The following RARB variants were observed in gnomAD, a reference collection of about 807,000 sequenced individuals.
RARB encodes retinoic acid receptor beta, also known as HBV-activated protein.
A neutral mutation model predicts 51.9 loss-of-function variants in RARB; 17 were observed. That is an observed-to-expected ratio of 0.33 (90% CI 0.22 to 0.49). The LOEUF is 0.49. Ranked by LOEUF, RARB falls within the 20% of genes least tolerant of loss-of-function variation. The pLI is 0.99. For missense variants in RARB, 369 were observed against 550.8 expected, an observed-to-expected ratio of 0.67 and a Z score of 3.30; for synonymous variants, 215 against 195.4, an observed-to-expected ratio of 1.10 and a Z score of -0.84.
intron 2 of RARB, among the ~76,000 whole-genome samples, chr3:24,892,681 A>T (rs927309089): frequency 5.3e-5 from 8 of 152,202 alleles, no homozygotes; most frequent in Admixed American, 2.6e-4. Flanking sequence ...AGGAATCCTA[A>T]AAGTATTTTA....
chr3:24,935,583 T>C (rs1167388911), intron 2 of RARB, among the ~76,000 whole-genome samples: 1 of 152,122 alleles, frequency 6.6e-6, no homozygotes, highest in African/African-American at 2.4e-5. Flanking sequence ...CCTAATTCTA[T>C]AGGCAAATAT....
At position 25,374,216 on chromosome 3, in the gene RARB, C is replaced by T. The variant is rs564794091; in HGVS notation, c.179-86977C>T. ...GCACAGTAACACACGCAAATACATT[C>T]ACACACTATGCTCAAACCAGGTACC... On this transcript the variant is annotated intron_variant, in intron 5 of 11. Coordinates refer to the RARB transcript ENST00000383772. Among the ~76,000 whole-genome samples the T allele has an allele frequency of 9.3e-4, 142 of 152,184 alleles. 1 individual carries two copies. The highest frequency in any genetic ancestry group is 3.4e-3 in the Middle Eastern group (1 of 294).
chr3:25,081,610 TATATATATA>T (rs1699001388), intron 3 of RARB, among the ~76,000 whole-genome samples: 185 of 14,028 alleles, frequency 0.013, 1 homozygote, highest in Non-Finnish European at 0.018. Flanking sequence ...TATATATATA[TATATATATA>T]TATTTTTTTT....
chr3:25,310,480 G>C (rs1006061001), intron 5 of RARB, among the ~76,000 whole-genome samples: 1 of 152,148 alleles, frequency 6.6e-6, no homozygotes, highest in African/African-American at 2.4e-5. Flanking sequence ...GAAATAGGGG[G>C]TTTGGACATT....
At chr3:25,021,956 T>C (rs1697648045) in intron 2 of RARB, among the ~76,000 whole-genome samples, 1 of 152,198 alleles carries the variant, frequency 6.6e-6, no homozygotes, top group Admixed American at 6.6e-5. Flanking sequence ...CAAGTAGTAA[T>C]GATTATTAAA....
chr3:25,352,279 G>A (rs1156782187), intron 5 of RARB: 2 of 152,026 alleles, frequency 1.3e-5, no homozygotes, highest in Non-Finnish European at 2.9e-5. Flanking sequence ...TCCAAAACTA[G>A]GAGAGGAAAA....
chr3:24,874,590 T>C (rs2125351858), intron 2 of RARB, among the ~76,000 whole-genome samples: 1 of 152,208 alleles, frequency 6.6e-6, no homozygotes, highest in East Asian at 1.9e-4. Flanking sequence ...TATCATGAAA[T>C]CTATTAATAT....
chr3:25,494,253 G>GCACGCACGCGCACTCACACACACA (rs1553623182), intron 2 of RARB, among the ~76,000 whole-genome samples: 4 of 131,852 alleles, frequency 3.0e-5, no homozygotes, highest in Non-Finnish European at 7.0e-5. Context: ...TGTATCTTAC[G>GCACGCACGCGCACTCACACACACA]CACACACACA....
chr3:25,081,107 G>A (rs536928606), intron 3 of RARB, among the ~76,000 whole-genome samples: 12 of 152,098 alleles, frequency 7.9e-5, no homozygotes, highest in Middle Eastern at 3.4e-3. Context: ...TTTCCTATGA[G>A]CACTGTCTTA....
intron 2 of RARB, among the ~76,000 whole-genome samples, chr3:25,471,930 C>T (rs890209261): frequency 3.3e-5 from 5 of 151,908 alleles, no homozygotes; most frequent in East Asian, 1.9e-4. Context: ...TCTTCATCAG[C>T]CCCCCTCTAC....
At chr3:25,320,361 C>T (rs9867006) in intron 5 of RARB, among the ~76,000 whole-genome samples, 1 of 151,982 alleles carries the variant, frequency 6.6e-6, no homozygotes. Context: ...TGTAGTAGTA[C>T]TTTCACACCA....
chr3:25,360,418 C>G (rs867042820), intron 5 of RARB, among the ~76,000 whole-genome samples: 1 of 152,156 alleles, frequency 6.6e-6, no homozygotes, highest in Non-Finnish European at 1.5e-5. Context: ...TGGGTCTTGA[C>G]TTTTGATCCA....
chr3:25,590,454 T>C (rs977105943), intron 5 of RARB, among the ~76,000 whole-genome samples: 2 of 152,220 alleles, frequency 1.3e-5, no homozygotes, highest in Non-Finnish European at 2.9e-5. Context: ...TAGTACCCAT[T>C]TGATTCCAGA....
intron 5 of RARB, among the ~76,000 whole-genome samples, chr3:25,198,804 G>A (rs1306011074): frequency 2.0e-5 from 3 of 152,088 alleles, no homozygotes; most frequent in African/African-American, 7.2e-5. Context: ...TGCTGGTGAG[G>A]ATGTGGAGAA....
intron 4 of RARB, among the ~76,000 whole-genome samples, chr3:25,575,272 G>A (rs1318060732): frequency 2.0e-5 from 3 of 152,122 alleles, no homozygotes; most frequent in Non-Finnish European, 4.4e-5. Flanking sequence ...ACCTCCTGCC[G>A]TGCGGCCCAG....
At chr3:25,420,736 G>A (rs1646287963) in intron 5 of RARB, among the ~76,000 whole-genome samples, 1 of 152,162 alleles carries the variant, frequency 6.6e-6, no homozygotes, top group Non-Finnish European at 1.5e-5. Context: ...TGGATAGGTA[G>A]ATGGGTATAT....
chr3:25,355,255 CCACCATCG>C lies in RARB; in HGVS notation c.179-105937_179-105930del, dbSNP rs149730218. On this transcript the variant is annotated intron_variant, in intron 5 of 11. Coordinates refer to the RARB transcript ENST00000383772. ...GAATCAAGCATGAGAAGCCTGATTG[CCACCATCG>C]GGCTGGTTGTTGTGGTTAGGTTTGG... Among the ~76,000 whole-genome samples, 257 of 152,172 alleles carry C rather than the reference CCACCATCG, an allele frequency of 1.7e-3. 1 individual carries two copies. Among genetic ancestry groups the C allele is most frequent in the African/African-American group, 5.7e-3 (236 of 41,524 alleles).
rs376154855 is a variant in RARB, at chr3:24,910,152, C to A, written c.-380+51400C>A. 7.2e-5 allele frequency among the ~76,000 whole-genome samples: 11 copies of A among 152,198 alleles called. No homozygotes were observed. In the East Asian group the frequency reaches 1.4e-3, roughly 19 times the overall value. ...CAGTCTGACTCTTCCTTTTTTTACT[C>A]CACCATGTTTCTATTTTTTGCAAGC... is the stretch of plus-strand genomic sequence containing the variant. On this transcript the variant is annotated intron_variant, in intron 2 of 11. Coordinates refer to the RARB transcript ENST00000383772.
rs151277849 is a variant in RARB at position 24,997,947 on chromosome 3, A to G, written c.-379-62178A>G. Among the ~76,000 whole-genome samples the G allele has an allele frequency of 4.0e-3, 616 of 152,258 alleles. 4 individuals carry two copies. Among genetic ancestry groups the G allele is most frequent in the African/African-American group, 0.014 (598 of 41,562 alleles). The stretch of plus-strand genomic sequence containing the variant: ...AATTCTAAATTATTTAAATCTTTAC[A>G]ATAAAGTATTTCTTTTATCATTATA... On this transcript the variant is annotated intron_variant, in intron 2 of 11. Transcript: ENST00000383772.
Sources: allele counts gnomAD v4.1 joint callset (sites outside exome capture counted in the v4.1 genomes callset), GRCh38; gene constraint gnomAD v4.1.1; transcripts MANE v1.5; gene names NCBI Gene and HGNC (gene_info 2026-07-23, HGNC 2026-07-21).